Variants in SGCD observed in about 807,000 individuals in gnomAD.
SGCD encodes the protein delta-sarcoglycan.
SGCD carries 18 observed loss-of-function variants against 36.6 expected under a neutral mutation model. That is an observed-to-expected ratio of 0.49 (90% confidence interval 0.34 to 0.73). SGCD has a LOEUF of 0.73. Ranked by LOEUF, SGCD falls within the 30% of genes least tolerant of loss-of-function variation. The probability of loss-of-function intolerance (pLI) is 0.01; values close to 1 mark genes in which losing one functional copy is unlikely to be tolerated. For missense variants in SGCD, 387 were observed against 346.7 expected, an observed-to-expected ratio of 1.12 and a Z score of -0.92; for synonymous variants, 133 against 130.6, an observed-to-expected ratio of 1.02 and a Z score of -0.12.
rs1047673454 is a variant in SGCD, at chr5:156,150,862, A to T, written c.-44+26843A>T. On this transcript the variant is annotated intron_variant, in intron 3 of 9. Coordinates refer to the SGCD transcript ENST00000517913. ...CAGTGGTCTTTATATTTATTCTGTG[A>T]CATAAAAAAGAACTGGAAGGACTTT... 1.4e-4 allele frequency among the ~76,000 whole-genome samples: 21 copies of T among 151,640 alleles called. 1 individual carries two copies. The highest frequency in any genetic ancestry group is 4.9e-4 in the African/African-American group (20 of 40,926).
At chr5:156,352,089 G>T (rs1769289399) in intron 3 of SGCD, among the ~76,000 whole-genome samples, 1 of 152,136 alleles carries the variant, frequency 6.6e-6, no homozygotes, top group African/African-American at 2.4e-5. Context: ...TGTTACTTTT[G>T]CTAGTGCATT....
chr5:156,575,674 T>C (rs1301669386), intron 4 of SGCD, among the ~76,000 whole-genome samples: 1 of 152,178 alleles, frequency 6.6e-6, no homozygotes, highest in Non-Finnish European at 1.5e-5. Flanking sequence ...CATAGATAGC[T>C]AAGTCATAAC....
chr5:155,999,081 T>C (rs1758613647), intron 1 of SGCD, among the ~76,000 whole-genome samples: 1 of 152,158 alleles, frequency 6.6e-6, no homozygotes, highest in Admixed American at 6.5e-5. Flanking sequence ...CTTTAATGGG[T>C]TAAGCAAATG....
At chr5:156,012,691 C>G (rs868455022) in intron 1 of SGCD, among the ~76,000 whole-genome samples, 2 of 150,624 alleles carry the variant, frequency 1.3e-5, no homozygotes, top group African/African-American at 4.9e-5. Context: ...TGGCTCACTG[C>G]AAGCTCCGCC....
the SGCD span, among the ~76,000 whole-genome samples, chr5:155,834,938 C>T: frequency 6.8e-5 from 10 of 147,698 alleles, no homozygotes; most frequent in African/African-American, 2.5e-4. Context: ...CAGACTCAAA[C>T]AATTCTCCTG....
intron 3 of SGCD, among the ~76,000 whole-genome samples, chr5:156,213,281 G>A (rs1038511271): frequency 1.3e-5 from 2 of 151,782 alleles, no homozygotes; most frequent in Non-Finnish European, 2.9e-5. Context: ...CTCAATATAG[G>A]AAATGAAAAA....
chr5:156,505,565 GA>G (rs1400058121), intron 3 of SGCD, among the ~76,000 whole-genome samples: 1 of 152,180 alleles, frequency 6.6e-6, no homozygotes, highest in Admixed American at 6.5e-5. Context: ...GCAAACTAGA[GA>G]CTGTATGGTG....
intron 4 of SGCD, among the ~76,000 whole-genome samples, chr5:156,538,343 T>G (rs930957111): frequency 6.6e-6 from 1 of 152,158 alleles, no homozygotes; most frequent in Non-Finnish European, 1.5e-5. Flanking sequence ...TTTTGATACC[T>G]TTCTTTGTTG....
intron 3 of SGCD, among the ~76,000 whole-genome samples, chr5:156,471,566 G>C (rs1754964871): frequency 6.6e-6 from 1 of 152,034 alleles, no homozygotes; most frequent in South Asian, 2.1e-4. Flanking sequence ...AGGAAATAAG[G>C]CATTTTTACA....
At chr5:156,074,861 G>C (rs1760722854) in intron 1 of SGCD, among the ~76,000 whole-genome samples, 1 of 152,170 alleles carries the variant, frequency 6.6e-6, no homozygotes, top group Non-Finnish European at 1.5e-5. Context: ...ATTATGAGCA[G>C]ATGAACCATA....
intron 3 of SGCD, among the ~76,000 whole-genome samples, chr5:156,266,008 G>T (rs1270138006): frequency 6.6e-6 from 1 of 152,144 alleles, no homozygotes; most frequent in Non-Finnish European, 1.5e-5. Flanking sequence ...ATTTAGATCT[G>T]CAAAATTTTG....
At chr5:156,684,197 T>A (rs1248032154) in intron 7 of SGCD, among the ~76,000 whole-genome samples, 1 of 152,062 alleles carries the variant, frequency 6.6e-6, no homozygotes, top group Non-Finnish European at 1.5e-5. Flanking sequence ...TGGTCTACAC[T>A]AGAGTTGATG....
chr5:156,357,923 G>A (rs1000732197), intron 3 of SGCD, among the ~76,000 whole-genome samples: 8 of 152,098 alleles, frequency 5.3e-5, no homozygotes, highest in Non-Finnish European at 8.8e-5. Context: ...AACAGAACTC[G>A]GCAACACTGA....
intron 3 of SGCD, among the ~76,000 whole-genome samples, chr5:156,125,839 T>TTTA (rs144493356): frequency 0.11 from 13,799 of 131,286 alleles, 849 homozygotes; most frequent in African/African-American, 0.16. Flanking sequence ...CACTCATTCT[T>TTTA]TTATTATTAT....
chr5:156,731,654 T>G (rs917171730), intron 7 of SGCD, among the ~76,000 whole-genome samples: 4 of 152,150 alleles, frequency 2.6e-5, no homozygotes, highest in African/African-American at 9.6e-5. Flanking sequence ...GTTTAGGCTA[T>G]TCGGGCTCTT....
chr5:156,249,717 T>TA (rs5872456), intron 3 of SGCD, among the ~76,000 whole-genome samples: 65,296 of 144,158 alleles, frequency 0.45, 14,308 homozygotes, highest in South Asian at 0.51. Flanking sequence ...AAGGTTATTG[T>TA]AAAAAAAAAA....
At chr5:155,943,087 C>T (rs1229530460) in intron 1 of SGCD, among the ~76,000 whole-genome samples, 1 of 152,262 alleles carries the variant, frequency 6.6e-6, no homozygotes, top group East Asian at 1.9e-4. Flanking sequence ...ATCTTATTCC[C>T]TAAGTAGATT....
chr5:155,742,106 T>C, the SGCD span, among the ~76,000 whole-genome samples: 1 of 152,142 alleles, frequency 6.6e-6, no homozygotes, highest in African/African-American at 2.4e-5. Context: ...GATAACATTT[T>C]CCCTCCCATT....
chr5:156,740,146 G>C (rs1282922298), intron 7 of SGCD, among the ~76,000 whole-genome samples: 1 of 152,210 alleles, frequency 6.6e-6, no homozygotes, highest in African/African-American at 2.4e-5. Context: ...GGACCATGGA[G>C]TTGAACATGA....
Sources: gnomAD v4.1 joint callset for allele counts (sites outside exome capture counted in the v4.1 genomes callset) on GRCh38, gnomAD v4.1.1 for gene constraint, MANE v1.5 for transcripts, NCBI Gene and HGNC (gene_info 2026-07-23, HGNC 2026-07-21) for gene names.